The following ST18 variants were observed in gnomAD, a reference collection of about 807,000 sequenced individuals.
ST18 encodes ST18 C2H2C-type zinc finger transcription factor, also known as suppression of tumorigenicity 18 protein.
Under a neutral mutation model 110.0 loss-of-function variants are expected in ST18, and 50 were observed. The ratio of observed to expected loss-of-function variants is 0.45; its 90% CI spans 0.36 to 0.58. ST18 has a LOEUF of 0.58. Ranked by LOEUF, ST18 falls within the 20% of genes least tolerant of loss-of-function variation. The pLI is 0.00. For missense variants in ST18, 1,306 were observed against 1,280.1 expected (o/e 1.02, Z -0.31); for synonymous variants, 461 against 452.4 (o/e 1.02, Z -0.24).
chr8:52,222,660 C>G (rs910058263), intron 3 of ST18, among the ~76,000 whole-genome samples: 5 of 152,240 alleles, frequency 3.3e-5, no homozygotes, highest in Middle Eastern at 3.2e-3. Flanking sequence ...TAACTCCACA[C>G]CCTTGGCAGA....
chr8:52,384,633 C>G (rs1445045785), intron 2 of ST18, among the ~76,000 whole-genome samples: 1 of 152,204 alleles, frequency 6.6e-6, no homozygotes, highest in African/African-American at 2.4e-5. Flanking sequence ...AATGCCACAC[C>G]TCCCCCGCCC....
intron 2 of ST18, among the ~76,000 whole-genome samples, chr8:52,342,818 T>C (rs1460404520): frequency 6.6e-6 from 1 of 152,150 alleles, no homozygotes; most frequent in African/African-American, 2.4e-5. Flanking sequence ...TTTTATAAAA[T>C]CCCGAGACAA....
intron 2 of ST18, among the ~76,000 whole-genome samples, chr8:52,262,253 T>C (rs28459696): frequency 0.31 from 47,474 of 152,128 alleles, 7,709 homozygotes; most frequent in Middle Eastern, 0.45. Flanking sequence ...CTCAAAGGCC[T>C]CAACTATCAT....
At chr8:52,173,806 T>C (rs1014518288) in intron 9 of ST18, among the ~76,000 whole-genome samples, 3 of 152,212 alleles carry the variant, frequency 2.0e-5, no homozygotes, top group Non-Finnish European at 4.4e-5. Flanking sequence ...TCTGTGCTAA[T>C]AAACATCTTT....
chr8:52,346,229 C>A (rs1034713869), intron 2 of ST18, among the ~76,000 whole-genome samples: 3 of 150,878 alleles, frequency 2.0e-5, no homozygotes, highest in African/African-American at 4.8e-5. Flanking sequence ...AATAAGAGGA[C>A]TCTCTGAAAA....
intron 2 of ST18, among the ~76,000 whole-genome samples, chr8:52,365,490 G>GA (rs1175308870): frequency 2.0e-5 from 3 of 151,168 alleles, no homozygotes; most frequent in African/African-American, 7.3e-5. Context: ...AGGTGTTCCT[G>GA]AAAAAAAGAC....
At chr8:52,244,427 T>C (rs944331387) in intron 2 of ST18, among the ~76,000 whole-genome samples, 1 of 152,230 alleles carries the variant, frequency 6.6e-6, no homozygotes, top group Non-Finnish European at 1.5e-5. Context: ...AGAGTTTTCT[T>C]GTTTGCTCAT....
At chr8:52,321,173 C>A (rs189785410) in intron 2 of ST18, among the ~76,000 whole-genome samples, 1 of 152,004 alleles carries the variant, frequency 6.6e-6, no homozygotes, top group African/African-American at 2.4e-5. Flanking sequence ...AACACCTGGA[C>A]GGGAAGAGAC....
At chr8:52,148,245 G>T (rs143803217) in intron 16 of ST18, among the ~76,000 whole-genome samples, 3 of 151,900 alleles carry the variant, frequency 2.0e-5, no homozygotes, top group Admixed American at 1.3e-4. Context: ...ATGATAGATT[G>T]ATTAAGGCCA....
At chr8:52,121,034 G>A (rs931263965) in intron 23 of ST18, among the ~76,000 whole-genome samples, 5 of 152,162 alleles carry the variant, frequency 3.3e-5, no homozygotes, top group African/African-American at 1.2e-4. Context: ...AGACTGGGAG[G>A]CTGAAACTTG....
At chr8:52,352,539 A>G (rs1008888060) in intron 2 of ST18, among the ~76,000 whole-genome samples, 1 of 152,164 alleles carries the variant, frequency 6.6e-6, no homozygotes, top group Non-Finnish European at 1.5e-5. Context: ...GAAAGTCACA[A>G]TGGCACCTGA....
chr8:52,387,812 A>G lies in ST18; in HGVS notation c.-465+21516T>C, dbSNP rs573615916. Among the ~76,000 whole-genome samples the G allele has an allele frequency of 2.0e-5, 3 of 152,262 alleles. No individual in the cohort carries two copies. In the South Asian group the frequency reaches 6.2e-4, roughly 32 times the overall value. On this transcript the variant is annotated intron_variant, in intron 2 of 25. Transcript: ENST00000689386. ...TTGCAAAATGTTTTTTTAAAAGAAA[A>G]GAACTGGTTTGTGAACACAGGTAAC...
intron 2 of ST18, among the ~76,000 whole-genome samples, chr8:52,327,460 C>A (rs966697463): frequency 1.3e-5 from 2 of 152,110 alleles, no homozygotes; most frequent in Non-Finnish European, 2.9e-5. Flanking sequence ...TGAAAATATA[C>A]CAAGGAGATT....
At chr8:52,230,645 G>A (rs1346907116) in intron 2 of ST18, among the ~76,000 whole-genome samples, 1 of 150,092 alleles carries the variant, frequency 6.7e-6, no homozygotes, top group Non-Finnish European at 1.5e-5. Flanking sequence ...GGCATGTTGT[G>A]TACAGATTTC....
intron 2 of ST18, among the ~76,000 whole-genome samples, chr8:52,252,842 T>C (rs2138390185): frequency 6.6e-6 from 1 of 151,988 alleles, no homozygotes; most frequent in African/African-American, 2.4e-5. Flanking sequence ...ACTGGTAATC[T>C]TGGGTTACAG....
Position 52,133,134 on chromosome 8 carries a change from C to G in ST18, c.2367G>C (p.Leu789Phe), listed in dbSNP as rs1417324030. Residue 789 changes from leucine (L) to phenylalanine (F), a missense_variant, in exon 21 of 26, where the codon TTG (leucine) becomes TTC (phenylalanine). Coordinates refer to ENST00000689386, the MANE Select transcript of ST18 (RefSeq NM_001352837.2). ...VTGNYASHRS[L>F]SGCPRARKGG... is the part of the protein sequence containing the mutation. Reference sequence around the variant, plus strand: ...CTTTCCTTGCACGAGGGCATCCGGACAAGCTGAAATAGGGACCCGACAAAG... The same window carrying G: ...CTTTCCTTGCACGAGGGCATCCGGAGAAGCTGAAATAGGGACCCGACAAAG... The G allele has an allele frequency of 1.2e-6, 2 of 1,614,186 alleles. No individual in the cohort carries two copies. Among genetic ancestry groups the G allele is most frequent in the African/African-American group, 1.3e-5 (1 of 75,030 alleles).
intron 13 of ST18, among the ~76,000 whole-genome samples, chr8:52,162,019 G>C (rs976653502): frequency 6.6e-6 from 1 of 152,152 alleles, no homozygotes; most frequent in South Asian, 2.1e-4. Flanking sequence ...AGACCAGCCT[G>C]GCCAACATGG....
intron 2 of ST18, among the ~76,000 whole-genome samples, chr8:52,244,952 T>C (rs761461260): frequency 2.0e-5 from 3 of 152,148 alleles, no homozygotes; most frequent in South Asian, 2.1e-4. Context: ...CCGTAGATAA[T>C]AGGTTGTATA....
chr8:52,190,512 A>G (rs1280104874), intron 8 of ST18, among the ~76,000 whole-genome samples: 2 of 152,194 alleles, frequency 1.3e-5, no homozygotes, highest in Non-Finnish European at 2.9e-5. Context: ...TGCAGCTGCT[A>G]TGCCAAAATA....
Sources: allele counts gnomAD v4.1 joint callset (sites outside exome capture counted in the v4.1 genomes callset), GRCh38; gene constraint gnomAD v4.1.1; transcripts MANE v1.5; gene names NCBI Gene and HGNC (gene_info 2026-07-23, HGNC 2026-07-21).